GPHN: variants seen among roughly 807,000 people sequenced by gnomAD.
GPHN encodes the protein gephyrin.
Under a neutral mutation model 95.5 loss-of-function variants are expected in GPHN, and 17 were observed. The ratio of observed to expected loss-of-function variants is 0.18; its 90% confidence interval spans 0.12 to 0.27. The LOEUF is 0.27. Among genes scored for constraint, GPHN ranks in the 10% least tolerant of loss-of-function variants. The pLI is 1.00. For synonymous variants in GPHN, 320 were observed against 322.5 expected (o/e 0.99, Z 0.08); for missense variants, 660 against 978.1 (o/e 0.67, Z 4.34).
chr14:67,359,264 T>C, the GPHN span, among the ~76,000 whole-genome samples: 243 of 152,332 alleles, frequency 1.6e-3, 1 homozygote, highest in African/African-American at 5.7e-3. Context: ...TAAAACCTCC[T>C]TGGCCTTTCC....
At chr14:66,683,750 G>T (rs959126898) in intron 2 of GPHN, among the ~76,000 whole-genome samples, 1 of 151,468 alleles carries the variant, frequency 6.6e-6, no homozygotes, top group South Asian at 2.1e-4. Context: ...GGCCGAGGTG[G>T]GCGGATCATG....
chr14:67,614,544 G>A, the GPHN span, among the ~76,000 whole-genome samples: 62 of 151,846 alleles, frequency 4.1e-4, no homozygotes, highest in Admixed American at 1.3e-3. Flanking sequence ...AAGGAGGATC[G>A]CTTGAGCCCA....
chr14:66,830,682 A>T (rs2061550161), intron 4 of GPHN, among the ~76,000 whole-genome samples: 1 of 152,120 alleles, frequency 6.6e-6, no homozygotes, highest in African/African-American at 2.4e-5. Flanking sequence ...CTCTTTCAAG[A>T]GGGAAAATAC....
At chr14:67,661,403 C>T in the GPHN span, among the ~76,000 whole-genome samples, 1 of 151,092 alleles carries the variant, frequency 6.6e-6, no homozygotes, top group Admixed American at 6.6e-5. Context: ...AACTGAGACT[C>T]ATGCATGTCT....
chr14:66,733,451 G>A (rs956921376), intron 2 of GPHN, among the ~76,000 whole-genome samples: 3 of 151,958 alleles, frequency 2.0e-5, no homozygotes, highest in Non-Finnish European at 2.9e-5. Context: ...CAGGTAAGAT[G>A]AGAACTAACA....
At chr14:66,533,290 C>G (rs2139973050) in intron 1 of GPHN, among the ~76,000 whole-genome samples, 1 of 152,270 alleles carries the variant, frequency 6.6e-6, no homozygotes, top group Non-Finnish European at 1.5e-5. Flanking sequence ...CTTTTAGTAT[C>G]TGCTATCTTA....
At chr14:66,873,061 A>G (rs536260989) in intron 4 of GPHN, among the ~76,000 whole-genome samples, 1 of 152,166 alleles carries the variant, frequency 6.6e-6, no homozygotes, top group Non-Finnish European at 1.5e-5. Context: ...TGATTGCTGC[A>G]TTTTCAACTA....
chr14:67,297,002 ACTTTTT>A, the GPHN span, among the ~76,000 whole-genome samples: 2 of 152,206 alleles, frequency 1.3e-5, no homozygotes, highest in Non-Finnish European at 2.9e-5. Flanking sequence ...AAAATTCAGT[ACTTTTT>A]CTTTGTTGAT....
At chr14:67,500,343 G>T in the GPHN span, among the ~76,000 whole-genome samples, 1 of 151,668 alleles carries the variant, frequency 6.6e-6, no homozygotes, top group Non-Finnish European at 1.5e-5. Flanking sequence ...GCATGGTGGC[G>T]GGCGCCTGTA....
In GPHN at chr14:66,537,222, A is replaced by G. The variant is rs147044462; in HGVS notation, c.64+28631A>G. ...TCTTTGTGCTTTAGTTGTAATAGGTATTCTATTTACATTTAATGTGGTTAC... is the reference window on the plus strand; with the variant it reads ...TCTTTGTGCTTTAGTTGTAATAGGTGTTCTATTTACATTTAATGTGGTTAC... On this transcript the variant is annotated intron_variant, in intron 1 of 22. Coordinates refer to ENST00000478722, the MANE Select transcript of GPHN (RefSeq NM_020806.5). 1.7e-4 allele frequency among the ~76,000 whole-genome samples: 26 copies of G among 152,060 alleles called. 2 individuals are homozygous for G. In the East Asian group the frequency reaches 5.0e-3, roughly 29 times the overall value.
chr14:67,089,642 C>G (rs539633777), intron 12 of GPHN, among the ~76,000 whole-genome samples: 1 of 152,192 alleles, frequency 6.6e-6, no homozygotes, highest in African/African-American at 2.4e-5. Context: ...GAAAAAAGAG[C>G]AGATTCCCAA....
At chr14:67,424,114 C>A in the GPHN span, among the ~76,000 whole-genome samples, 1 of 152,050 alleles carries the variant, frequency 6.6e-6, no homozygotes, top group Non-Finnish European at 1.5e-5. Context: ...GTGGCAGGTG[C>A]CTGTAATCCC....
chr14:66,767,555 T>G (rs954719509), intron 2 of GPHN, among the ~76,000 whole-genome samples: 2 of 151,874 alleles, frequency 1.3e-5, no homozygotes, highest in African/African-American at 2.4e-5. Flanking sequence ...GTCTTCTTAG[T>G]AAGACAGAGG....
At chr14:66,891,631 A>T (rs2064506067) in intron 5 of GPHN, among the ~76,000 whole-genome samples, 1 of 152,164 alleles carries the variant, frequency 6.6e-6, no homozygotes, top group South Asian at 2.1e-4. Flanking sequence ...GCAAACAAAA[A>T]ACTAGATAAT....
intron 1 of GPHN, among the ~76,000 whole-genome samples, chr14:66,679,134 A>G (rs892078717): frequency 2.6e-5 from 4 of 152,246 alleles, no homozygotes; most frequent in Non-Finnish European, 5.9e-5. Flanking sequence ...CTGTAGTTGT[A>G]GCAGGCCCTG....
At chr14:66,686,960 G>A (rs538902325) in intron 2 of GPHN, among the ~76,000 whole-genome samples, 4 of 152,226 alleles carry the variant, frequency 2.6e-5, no homozygotes, top group African/African-American at 9.6e-5. Flanking sequence ...TTTAGCATGA[G>A]GGGCAGTTGA....
At chr14:67,579,080 C>T in the GPHN span, 6 of 1,334,946 alleles carry the variant, frequency 4.5e-6, no homozygotes, top group Middle Eastern at 1.8e-4. Flanking sequence ...TCCGGGGTGC[C>T]AAAGTGGCAG....
the GPHN span, chr14:67,620,096 C>T: frequency 1.3e-6 from 2 of 1,581,724 alleles, no homozygotes; most frequent in Non-Finnish European, 1.7e-6. Context: ...CAGGTGAGAA[C>T]TGGCACCTGG....
chr14:67,541,455 G>A, the GPHN span, among the ~76,000 whole-genome samples: 1 of 152,230 alleles, frequency 6.6e-6, no homozygotes, highest in Non-Finnish European at 1.5e-5. Flanking sequence ...AGTTCTGTTT[G>A]CATCTCCAGT....
Sources: allele counts gnomAD v4.1 joint callset (sites outside exome capture counted in the v4.1 genomes callset), GRCh38; gene constraint gnomAD v4.1.1; transcripts MANE v1.5; gene names NCBI Gene and HGNC (gene_info 2026-07-23, HGNC 2026-07-21).